NAV3: variants seen among roughly 807,000 people sequenced by gnomAD.
The protein encoded by NAV3 is pore membrane and/or filament interacting like protein 1.
A neutral mutation model predicts 244.7 loss-of-function variants in NAV3; 87 were observed. That is an observed-to-expected ratio of 0.36 (90% confidence interval 0.30 to 0.42). NAV3 has a LOEUF of 0.42. Among genes scored for constraint, NAV3 ranks in the 20% least tolerant of loss-of-function variants. The pLI is 1.00. For missense variants in NAV3, 2,663 were observed against 2,893.3 expected, an observed-to-expected ratio of 0.92 and a Z score of 1.83; for synonymous variants, 1,126 against 1,042.2, an observed-to-expected ratio of 1.08 and a Z score of -1.55.
intron 1 of NAV3, among the ~76,000 whole-genome samples, chr12:77,927,025 A>AGGAGGTCTTTGGAGGATAGTACATT (rs1888290724): frequency 6.6e-6 from 1 of 152,194 alleles, no homozygotes. Flanking sequence ...ATGGTAGCTG[A>AGGAGGTCTTTGGAGGATAGTACATT]TTTTACTTTG....
intron 9 of NAV3, among the ~76,000 whole-genome samples, chr12:78,042,065 C>CT (rs1458650975): frequency 3.9e-5 from 6 of 152,186 alleles, no homozygotes; most frequent in African/African-American, 1.4e-4. Context: ...TTCCCTCCTC[C>CT]TTTCTGTTTT....
At position 78,192,390 on chromosome 12, in the gene NAV3, A is replaced by ATTATT. The variant is rs1208904913; in HGVS notation, c.6291+2184_6291+2188dup. ...AACTGTTTTTATTTTTTTATTTTTT[A>ATTATT]TTATTTTATTTTATTTTTATTTATT... On this transcript the variant is annotated intron_variant, in intron 34 of 39. Coordinates refer to ENST00000397909, the MANE Select transcript of NAV3 (RefSeq NM_001024383.2). 1.8e-3 allele frequency among the ~76,000 whole-genome samples: 273 copies of ATTATT among 151,068 alleles called. 1 individual carries two copies. Among genetic ancestry groups the ATTATT allele is most frequent in the African/African-American group, 6.5e-3 (268 of 41,268 alleles).
intron 33 of NAV3, among the ~76,000 whole-genome samples, chr12:78,189,100 T>C (rs1346957440): frequency 6.6e-6 from 1 of 151,922 alleles, no homozygotes; most frequent in African/African-American, 2.4e-5. Context: ...TCAAAACATT[T>C]AGTGTGTATT....
At chr12:77,851,527 TA>T (rs1252113783) in intron 1 of NAV3, among the ~76,000 whole-genome samples, 1 of 108,020 alleles carries the variant, frequency 9.3e-6, no homozygotes, top group African/African-American at 2.8e-5. Flanking sequence ...ACAATGAACT[TA>T]AAAATATTTT....
chr12:77,794,155 C>T (rs1411923680), intron 2 of NAV3, among the ~76,000 whole-genome samples: 4 of 152,166 alleles, frequency 2.6e-5, no homozygotes, highest in African/African-American at 7.2e-5. Flanking sequence ...ACTTCACCCA[C>T]TTTTTGCTGG....
At chr12:77,974,685 G>T (rs1893312691) in intron 5 of NAV3, among the ~76,000 whole-genome samples, 1 of 152,170 alleles carries the variant, frequency 6.6e-6, no homozygotes, top group South Asian at 2.1e-4. Flanking sequence ...GCAAGTATGG[G>T]TTGGAGTCCT....
chr12:77,619,881 TCACA>T (rs140525524), intron 2 of NAV3, among the ~76,000 whole-genome samples: 5 of 149,356 alleles, frequency 3.3e-5, no homozygotes, highest in East Asian at 2.0e-4. Flanking sequence ...TCTCTCTCTC[TCACA>T]CACACACACA....
intron 12 of NAV3, among the ~76,000 whole-genome samples, chr12:78,067,735 G>A (rs572403735): frequency 6.6e-6 from 1 of 152,030 alleles, no homozygotes; most frequent in South Asian, 2.1e-4. Context: ...ACTACAACTG[G>A]CCCAAGTTGT....
At chr12:78,185,018 T>G (rs2139794642) in intron 30 of NAV3, among the ~76,000 whole-genome samples, 1 of 151,938 alleles carries the variant, frequency 6.6e-6, no homozygotes, top group South Asian at 2.1e-4. Flanking sequence ...ACTATTTTGG[T>G]TTTGAAACTA....
At chr12:78,200,620 T>A in intron 38 of NAV3, 29 bp downstream of exon 38, 4 of 1,304,734 alleles carry the variant, frequency 3.1e-6, no homozygotes, top group African/African-American at 1.5e-5. Context: ...ATTGCTATTT[T>A]TTTTTAAAAA....
At chr12:77,888,262 A>G (rs1403444933) in intron 1 of NAV3, among the ~76,000 whole-genome samples, 1 of 152,024 alleles carries the variant, frequency 6.6e-6, no homozygotes, top group Admixed American at 6.6e-5. Flanking sequence ...AGGCAGGGGG[A>G]TTACTTGAGA....
intron 2 of NAV3, among the ~76,000 whole-genome samples, chr12:77,723,778 T>TTTTTTTTC (rs1165361705): frequency 6.8e-6 from 1 of 147,628 alleles, no homozygotes. Flanking sequence ...TTTTTTTTTT[T>TTTTTTTTC]ACATATATCT....
At chr12:78,150,085 C>T (rs1474607261) in intron 22 of NAV3, among the ~76,000 whole-genome samples, 1 of 151,716 alleles carries the variant, frequency 6.6e-6, no homozygotes, top group African/African-American at 2.4e-5. Context: ...TATTATTTAA[C>T]CTTGTTGTGT....
intron 2 of NAV3, among the ~76,000 whole-genome samples, chr12:77,572,837 A>G (rs1009631172): frequency 2.6e-5 from 4 of 152,246 alleles, no homozygotes; most frequent in African/African-American, 9.6e-5. Flanking sequence ...ATTTTAAAAG[A>G]AAGCGTTTAG....
chr12:77,607,229 A>T (rs11105884), intron 2 of NAV3, among the ~76,000 whole-genome samples: 24,777 of 152,106 alleles, frequency 0.16, 2,487 homozygotes, highest in Admixed American at 0.23. Flanking sequence ...GCCAAAGTTC[A>T]AGAGTTACCT....
rs532992408 is a variant in NAV3 at position 78,032,899 on chromosome 12, G to A, written c.2023+11037G>A. On this transcript the variant is annotated intron_variant, in intron 9 of 39. Transcript: ENST00000397909. ...AAGTTTTTCAATTTTTCTTCTATAG[G>A]TTCACACTTGCCCTTTTTTTTTGCA... Among the ~76,000 whole-genome samples, 14 of 152,024 alleles carry A rather than the reference G, an allele frequency of 9.2e-5. No individual in the cohort carries two copies. In the East Asian group the frequency reaches 2.7e-3, roughly 29 times the overall value.
rs1298639581 is a variant in NAV3 at position 78,159,063 on chromosome 12, C to T, written c.4786-140C>T. 9.7e-6 allele frequency: 5 copies of T among 513,034 alleles called. No homozygotes were observed. The East Asian group carries it at 1.7e-4, about 17-fold the overall frequency. The allele number at this position is 513,034 out of a possible 1,614,324, so 31.8% of individuals were successfully genotyped here. A position where few individuals can be genotyped will look rare whatever the true frequency, so the allele number is the denominator to read the frequency against. On this transcript the variant is annotated intron_variant, in intron 22 of 39. Coordinates refer to ENST00000397909, the MANE Select transcript of NAV3 (RefSeq NM_001024383.2). ...GAAAATGTGTGTTAAAGAAGAGTCA[C>T]CAGTCAGAGCTAACTATGATAGTCA...
At chr12:77,622,858 G>A (rs1871441349) in intron 2 of NAV3, among the ~76,000 whole-genome samples, 1 of 152,146 alleles carries the variant, frequency 6.6e-6, no homozygotes, top group African/African-American at 2.4e-5. Flanking sequence ...ATTATCTGGT[G>A]TCTAAAACAC....
chr12:77,848,627 C>T (rs1285730640), intron 1 of NAV3, among the ~76,000 whole-genome samples: 1 of 152,142 alleles, frequency 6.6e-6, no homozygotes, highest in East Asian at 1.9e-4. Flanking sequence ...TCCTCCACTA[C>T]AAATATTGAA....
Sources: allele counts gnomAD v4.1 joint callset (sites outside exome capture counted in the v4.1 genomes callset), GRCh38; gene constraint gnomAD v4.1.1; transcripts MANE v1.5; gene names NCBI Gene and HGNC (gene_info 2026-07-23, HGNC 2026-07-21).